Variants in TRAPPC9 observed in about 807,000 individuals in gnomAD.
TRAPPC9 encodes the protein trafficking protein particle complex subunit 9, also known as IKK2 binding protein.
In TRAPPC9, 83 loss-of-function variants were observed where a neutral mutation model predicts 124.0. The observed-to-expected ratio is 0.67, with a 90% CI of 0.56 to 0.80. The LOEUF (loss-of-function observed/expected upper bound fraction) is 0.80, where lower values mean the gene tolerates loss of function less well. Among genes scored for constraint, TRAPPC9 ranks in the 30% least tolerant of loss-of-function variants. TRAPPC9 has a pLI of 0.00. For missense variants in TRAPPC9, 1,302 were observed against 1,508.3 expected (o/e 0.86, Z 2.27); for synonymous variants, 638 against 617.5 (o/e 1.03, Z -0.49).
chr8:140,088,387 C>T (rs1384361204), intron 17 of TRAPPC9, among the ~76,000 whole-genome samples: 1 of 152,150 alleles, frequency 6.6e-6, no homozygotes, highest in Non-Finnish European at 1.5e-5. Context: ...AAGAGTCCAC[C>T]AACCTAGAGA....
intron 11 of TRAPPC9, among the ~76,000 whole-genome samples, chr8:140,299,969 C>T (rs2065918742): frequency 6.6e-6 from 1 of 152,250 alleles, no homozygotes; most frequent in Non-Finnish European, 1.5e-5. Context: ...TCAGAAGTCA[C>T]TTCAGCCCTT....
intron 21 of TRAPPC9, among the ~76,000 whole-genome samples, chr8:139,810,745 T>C (rs1214882209): frequency 6.6e-6 from 1 of 152,142 alleles, no homozygotes; most frequent in Non-Finnish European, 1.5e-5. Context: ...CCTTCTTGGA[T>C]GTGGCTCCCT....
At chr8:140,366,711 G>C (rs2068119254) in intron 8 of TRAPPC9, among the ~76,000 whole-genome samples, 1 of 152,152 alleles carries the variant, frequency 6.6e-6, no homozygotes, top group Non-Finnish European at 1.5e-5. Context: ...ACCCATCAAA[G>C]AAAGAATTGA....
Position 139,910,190 on chromosome 8 carries a change from C to T in TRAPPC9, c.2921G>A (p.Arg974Gln), listed in dbSNP as rs562020701. ...CAGCTTGCTGTGGATCTCCAGGCCT[C>T]GGGCTTCCCGCCGCTCTTCCTCCAG... ...KQLEEERREARGLEIHSKLGI... is the reference protein window; with the variant it reads ...KQLEEERREAQGLEIHSKLGI... Residue 974 changes from arginine to glutamine, a missense_variant, in exon 20 of 23, where the codon CGA (arginine) becomes CAA (glutamine). Coordinates refer to ENST00000438773, the MANE Select transcript of TRAPPC9 (RefSeq NM_001160372.4). 8.2e-5 allele frequency: 132 copies of T among 1,613,624 alleles called. 1 individual carries two copies. The East Asian group carries it at 1.5e-3, about 18-fold the overall frequency.
chr8:140,381,388 C>G (rs1332798379), intron 7 of TRAPPC9, among the ~76,000 whole-genome samples: 4 of 152,088 alleles, frequency 2.6e-5, no homozygotes, highest in South Asian at 2.1e-4. Flanking sequence ...ACAAAGAGGA[C>G]CAGGCGCAGT....
intron 19 of TRAPPC9, among the ~76,000 whole-genome samples, chr8:139,937,673 TG>T (rs1833620658): frequency 1.3e-5 from 2 of 152,164 alleles, no homozygotes; most frequent in African/African-American, 2.4e-5. Flanking sequence ...GAGGCGGTTC[TG>T]GAAGTGCTCC....
At chr8:139,837,811 G>A (rs1024374118) in intron 21 of TRAPPC9, among the ~76,000 whole-genome samples, 10 of 152,168 alleles carry the variant, frequency 6.6e-5, no homozygotes, top group South Asian at 6.2e-4. Context: ...ACTTGCCACC[G>A]AGATTCTCCT....
chr8:139,952,512 G>A (rs189850090), intron 19 of TRAPPC9, among the ~76,000 whole-genome samples: 5 of 152,278 alleles, frequency 3.3e-5, no homozygotes, highest in South Asian at 2.1e-4. Flanking sequence ...ACAGGAGCCC[G>A]GCAGCTCGGG....
chr8:139,920,737 A>C (rs955090366), intron 19 of TRAPPC9, among the ~76,000 whole-genome samples: 2 of 152,238 alleles, frequency 1.3e-5, no homozygotes, highest in South Asian at 4.1e-4. Context: ...ATCTGCTACC[A>C]CAGCAACTGC....
rs185938949 is a variant in TRAPPC9 at position 139,757,762 on chromosome 8, G to T, written c.3056-25560C>A. 4.5e-3 allele frequency among the ~76,000 whole-genome samples: 687 copies of T among 152,234 alleles called. 4 individuals carry two copies. Among genetic ancestry groups the T allele is most frequent in the African/African-American group, 0.016 (649 of 41,514 alleles). The stretch of plus-strand genomic sequence containing the variant: ...TGGGGCCTGGTGGGCTGAGTGCAGA[G>T]AGGACCTTCTACATCACCTGCACTG... On this transcript the variant is annotated intron_variant, in intron 21 of 22. Transcript: ENST00000438773.
chr8:140,017,241 C>T (rs1421993725), intron 18 of TRAPPC9, among the ~76,000 whole-genome samples: 1 of 152,070 alleles, frequency 6.6e-6, no homozygotes, highest in Non-Finnish European at 1.5e-5. Context: ...GAAATTTGTC[C>T]TATCAAGTCT....
chr8:139,902,635 T>C (rs1026994841), intron 20 of TRAPPC9, among the ~76,000 whole-genome samples: 4 of 152,142 alleles, frequency 2.6e-5, no homozygotes, highest in African/African-American at 9.7e-5. Flanking sequence ...AAAAACACAG[T>C]GTGCTATGTT....
intron 17 of TRAPPC9, among the ~76,000 whole-genome samples, chr8:140,125,236 C>G (rs941011914): frequency 6.6e-6 from 1 of 152,102 alleles, no homozygotes; most frequent in African/African-American, 2.4e-5. Flanking sequence ...GGTAACTGGC[C>G]CAGGGGCACT....
chr8:140,190,757 A>G (rs1281786735), intron 17 of TRAPPC9, among the ~76,000 whole-genome samples: 3 of 152,236 alleles, frequency 2.0e-5, no homozygotes, highest in Non-Finnish European at 4.4e-5. Flanking sequence ...TTTGAGAAGT[A>G]GATTTCTTTT....
chr8:139,941,438 C>A (rs1833915019), intron 19 of TRAPPC9, among the ~76,000 whole-genome samples: 1 of 152,190 alleles, frequency 6.6e-6, no homozygotes, highest in Non-Finnish European at 1.5e-5. Flanking sequence ...AGGCTGTGCT[C>A]TCAGTTGCAA....
intron 21 of TRAPPC9, among the ~76,000 whole-genome samples, chr8:139,789,816 C>T (rs1237521934): frequency 2.0e-5 from 3 of 152,084 alleles, no homozygotes; most frequent in Non-Finnish European, 4.4e-5. Flanking sequence ...GACCAAATGG[C>T]GGTCTTACTG....
chr8:140,255,764 T>C (rs1401610328), intron 15 of TRAPPC9, among the ~76,000 whole-genome samples: 1 of 152,174 alleles, frequency 6.6e-6, no homozygotes, highest in African/African-American at 2.4e-5. Context: ...CGCACACCTG[T>C]AGTCCTGGCT....
At chr8:140,382,296 G>A (rs1311380418) in intron 7 of TRAPPC9, among the ~76,000 whole-genome samples, 2 of 152,292 alleles carry the variant, frequency 1.3e-5, no homozygotes, top group South Asian at 2.1e-4. Flanking sequence ...GTGGGTGCAG[G>A]ACAGTGGGTG....
intron 19 of TRAPPC9, among the ~76,000 whole-genome samples, chr8:139,945,189 C>G (rs751205692): frequency 6.6e-6 from 1 of 151,996 alleles, no homozygotes; most frequent in Non-Finnish European, 1.5e-5. Flanking sequence ...TTCAACTATA[C>G]GTTGTTTATA....
Sources: gnomAD v4.1 joint callset for allele counts (sites outside exome capture counted in the v4.1 genomes callset) on GRCh38, gnomAD v4.1.1 for gene constraint, MANE v1.5 for transcripts, NCBI Gene and HGNC (gene_info 2026-07-23, HGNC 2026-07-21) for gene names.